ZWILCH: variants seen among roughly 807,000 people sequenced by gnomAD.
ZWILCH encodes zwilch kinetochore protein, also known as protein zwilch homolog.
ZWILCH carries 74 observed loss-of-function variants against 79.9 expected under a neutral mutation model. That is an observed-to-expected ratio of 0.93 (90% confidence interval 0.77 to 1.12). The LOEUF is 1.12. Ranked by LOEUF, ZWILCH falls within the 50% of genes most tolerant of loss-of-function variation. The pLI, the probability that ZWILCH is intolerant of heterozygous loss-of-function variation, is 0.00. For missense variants in ZWILCH, 694 were observed against 687.5 expected (o/e 1.01, Z -0.11); for synonymous variants, 241 against 228.2 (o/e 1.06, Z -0.51).
chr15:66,518,124 A>G (rs1894355662), intron 4 of ZWILCH, among the ~76,000 whole-genome samples: 1 of 151,904 alleles, frequency 6.6e-6, no homozygotes, highest in Non-Finnish European at 1.5e-5. Flanking sequence ...TCCTTGCCAT[A>G]TTGAAGCTCC....
Position 66,527,884 on chromosome 15 carries a change from A to G in ZWILCH, c.941A>G (p.Asp314Gly). 6.2e-7 allele frequency: 1 copy of G among 1,601,538 alleles called. No individual in the cohort carries two copies. The highest frequency in any genetic ancestry group is 8.5e-7 in the Non-Finnish European group (1 of 1,177,102). ...TTAAATAAGCTGGATGGATTTGGTG[A>G]TTCTACAAAAAAAGACACTGAGGTT... Reference protein sequence around the residue: ...NDLNKLDGFGDSTKKDTEVET... With the variant: ...NDLNKLDGFGGSTKKDTEVET... Residue 314 changes from aspartate to glycine, a missense_variant, in exon 10 of 19, where the codon GAT (aspartate) becomes GGT (glycine). By Grantham distance (94) the Asp-to-Gly change is moderately conservative. Coordinates refer to ENST00000307897, the MANE Select transcript of ZWILCH (RefSeq NM_017975.5).
chr15:66,520,696 A>G (rs1307874401), intron 6 of ZWILCH, 36 bp downstream of exon 6: 1 of 1,383,586 alleles, frequency 7.2e-7, no homozygotes, highest in African/African-American at 1.5e-5. Flanking sequence ...TATTTTCTTC[A>G]AATTGTTGTC....
chr15:66,531,825 T>C (rs1049290098), intron 12 of ZWILCH, among the ~76,000 whole-genome samples: 1 of 151,964 alleles, frequency 6.6e-6, no homozygotes, highest in African/African-American at 2.4e-5. Flanking sequence ...TCCCAGCACT[T>C]TGGGAGTCCG....
At chr15:66,517,287 GA>G (rs1220637247) in intron 4 of ZWILCH, among the ~76,000 whole-genome samples, 1 of 150,844 alleles carries the variant, frequency 6.6e-6, no homozygotes, top group Non-Finnish European at 1.5e-5. Flanking sequence ...TTTCTAGATA[GA>G]TATATGCAAA....
intron 17 of ZWILCH, among the ~76,000 whole-genome samples, chr15:66,544,804 C>T (rs1369378936): frequency 3.4e-5 from 5 of 148,820 alleles, no homozygotes; most frequent in African/African-American, 7.5e-5. Flanking sequence ...AGTGCAGTGG[C>T]GCGATCTCGG....
At chr15:66,530,647 A>G (rs1397468127) in intron 12 of ZWILCH, among the ~76,000 whole-genome samples, 1 of 152,194 alleles carries the variant, frequency 6.6e-6, no homozygotes, top group Non-Finnish European at 1.5e-5. Context: ...ATAAAAAACA[A>G]GTTTTTCCAA....
intron 8 of ZWILCH, 109 bp downstream of exon 8, chr15:66,523,857 T>G (rs754995925): frequency 6.9e-5 from 52 of 752,804 alleles, no homozygotes; most frequent in Non-Finnish European, 7.6e-5. Flanking sequence ...TCAGATGTTA[T>G]GTATCCATTA....
At chr15:66,543,158 T>C (rs112058860) in intron 17 of ZWILCH, among the ~76,000 whole-genome samples, 1,969 of 152,316 alleles carry the variant, frequency 0.013, 35 homozygotes, top group African/African-American at 0.045. Context: ...AAGATCGTGC[T>C]CTTGCACTTC....
At chr15:66,540,016 A>T (rs1342938918) in intron 16 of ZWILCH, 82 bp from the exon 17 acceptor site, 2 of 891,954 alleles carry the variant, frequency 2.2e-6, no homozygotes, top group African/African-American at 3.4e-5. Flanking sequence ...TCACATGAAG[A>T]CTTCACTAAA....
chr15:66,515,645 G>A lies in ZWILCH; in HGVS notation c.320+1G>A, dbSNP rs764586550. On this transcript the variant is annotated splice_donor_variant, in intron 4 of 18. Coordinates refer to ENST00000307897, the MANE Select transcript of ZWILCH (RefSeq NM_017975.5). LOFTEE classifies it high-confidence loss of function. The stretch of plus-strand genomic sequence containing the variant: ...TTGCTTTACCAGTTGGGAAGGCAAG[G>A]TAGGTTTTCTCTTATGCTGAGTAGG... 15 of 1,603,386 alleles carry A rather than the reference G, an allele frequency of 9.4e-6. No homozygotes were observed. Among genetic ancestry groups the A allele is most frequent in the South Asian group, 6.6e-5 (6 of 90,554 alleles).
intron 11 of ZWILCH, among the ~76,000 whole-genome samples, chr15:66,529,247 GA>G (rs1043485008): frequency 4.6e-5 from 7 of 151,432 alleles, no homozygotes; most frequent in Admixed American, 4.6e-4. Context: ...TATAATTATT[GA>G]AAAAGGAAAA....
Position 66,549,479 on chromosome 15 carries a change from A to G in ZWILCH, c.*1155A>G, listed in dbSNP as rs1895513059. ...GGAGAAATAAAGATAAAATTCAAAG[A>G]AACAAATAATATGTGTTGGCATTTC... On this transcript the variant is annotated 3_prime_UTR_variant, in exon 19 of 19. Transcript: ENST00000307897. 1 of 152,224 alleles carries G rather than the reference A, an allele frequency of 6.6e-6. No homozygotes were observed. The highest frequency in any genetic ancestry group is 2.4e-5 in the African/African-American group (1 of 41,454). 9.4% of individuals were successfully genotyped at this position (152,224 alleles called of 1,614,324 possible).
intron 17 of ZWILCH, among the ~76,000 whole-genome samples, chr15:66,543,183 A>G (rs1025087627): frequency 3.3e-5 from 5 of 152,226 alleles, no homozygotes; most frequent in African/African-American, 9.6e-5. Context: ...TGGGTGGCGG[A>G]GCAAGACTCC....
intron 11 of ZWILCH, 32 bp downstream of exon 11, chr15:66,528,989 CTT>C: frequency 6.4e-7 from 1 of 1,553,980 alleles, no homozygotes; most frequent in Non-Finnish European, 8.9e-7. Flanking sequence ...AATTTTTCCT[CTT>C]ATTTCTTAGG....
rs2140799499 is a variant in ZWILCH at position 66,537,248 on chromosome 15, A to G, written c.1559A>G (p.Lys520Arg). 1 of 1,612,908 alleles carries G rather than the reference A, an allele frequency of 6.2e-7. No homozygotes were observed. The highest frequency in any genetic ancestry group is 1.8e-4 in the Middle Eastern group (1 of 5,532). Residue 520 changes from lysine (K) to arginine (R), a missense_variant, in exon 16 of 19, where the codon AAG becomes AGG. By Grantham distance (26) the Lys-to-Arg change is conservative. Transcript: ENST00000307897. ...FQLPVRPTAV[K>R]NLYQSEKPQK... ...CTGCCAGTCAGACCAACTGCTGTAA[A>G]GAACTTATATCAAAGGTAAGCAATT... is the stretch of plus-strand genomic sequence containing the variant.
chr15:66,531,577 C>T lies in ZWILCH; in HGVS notation c.1156-670C>T, dbSNP rs1477012994. On this transcript the variant is annotated intron_variant, in intron 12 of 18. Transcript: ENST00000307897. ...CCAGGCTCAAGCTGTTCTCTTTCCT[C>T]AGCCTCCCGAGCTGGGACTACAGGC... is the stretch of plus-strand genomic sequence containing the variant. 2.6e-5 allele frequency among the ~76,000 whole-genome samples: 4 copies of T among 152,208 alleles called. No homozygotes were observed. The East Asian group carries it at 7.7e-4, about 29-fold the overall frequency.
intron 7 of ZWILCH, 94 bp downstream of exon 7, chr15:66,521,299 C>A: frequency 1.4e-6 from 2 of 1,443,816 alleles, no homozygotes; most frequent in Non-Finnish European, 1.9e-6. Flanking sequence ...CTAGCCTTGG[C>A]ACTTGCTGAG....
chr15:66,524,475 C>T (rs1464485172), intron 8 of ZWILCH: 2 of 152,142 alleles, frequency 1.3e-5, no homozygotes, highest in East Asian at 1.9e-4. Context: ...GCTTGTAGCT[C>T]GGATCCTGTC....
chr15:66,515,314 T>C (rs1156552789), intron 3 of ZWILCH, among the ~76,000 whole-genome samples: 5 of 152,216 alleles, frequency 3.3e-5, no homozygotes, highest in Non-Finnish European at 5.9e-5. Context: ...TCAATATCTT[T>C]TTATAGGACA....
Sources: allele counts gnomAD v4.1 joint callset (sites outside exome capture counted in the v4.1 genomes callset), GRCh38; gene constraint gnomAD v4.1.1; transcripts MANE v1.5; gene names NCBI Gene and HGNC (gene_info 2026-07-23, HGNC 2026-07-21).